MOCOS: variants seen among roughly 807,000 people sequenced by gnomAD.
MOCOS encodes the protein molybdenum cofactor sulfurase.
Under a neutral mutation model 83.6 loss-of-function variants are expected in MOCOS, and 86 were observed. That is an observed-to-expected ratio of 1.03 (90% CI 0.86 to 1.23). The LOEUF (loss-of-function observed/expected upper bound fraction) is 1.23. Ranked by LOEUF, MOCOS falls within the 50% of genes most tolerant of loss-of-function variation. The pLI is 0.00. For synonymous variants in MOCOS, 445 were observed against 434.7 expected, an observed-to-expected ratio of 1.02 and a Z score of -0.29; for missense variants, 1,120 against 1,126.9, an observed-to-expected ratio of 0.99 and a Z score of 0.09.
intron 11 of MOCOS, among the ~76,000 whole-genome samples, chr18:36,255,061 C>A (rs599433): frequency 0.42 from 63,886 of 151,582 alleles, 13,848 homozygotes; most frequent in Admixed American, 0.54. Flanking sequence ...ATCAAAGCAA[C>A]ATAAGTATAT....
chr18:36,268,630 A>G lies in MOCOS; in HGVS notation c.2612A>G (p.Asn871Ser). ...CAGGTGCTCCCTGTGTTGAAAGAGA[A>G]TGTGGAAGGTCATGATTTACCTGCA... ...GSQVLPVLKE[N>S]VEGHDLPASE... Residue 871 changes from asparagine (N) to serine (S), a missense_variant, in exon 15 of 15, where the codon AAT (asparagine) becomes AGT (serine). Transcript: ENST00000261326. 1 of 1,614,132 alleles carries G rather than the reference A, an allele frequency of 6.2e-7. No homozygotes were observed. Among genetic ancestry groups the G allele is most frequent in the Non-Finnish European group, 8.5e-7 (1 of 1,180,032 alleles).
chr18:36,256,850 A>T, intron 11 of MOCOS, 118 bp from the exon 12 acceptor site: 1 of 893,524 alleles, frequency 1.1e-6, no homozygotes, highest in Non-Finnish European at 1.9e-6. Context: ...CCAGGACATC[A>T]CTTTTTTTCC....
At chr18:36,259,205 G>A (rs1461303975) in intron 12 of MOCOS, among the ~76,000 whole-genome samples, 1 of 152,120 alleles carries the variant, frequency 6.6e-6, no homozygotes, top group Non-Finnish European at 1.5e-5. Flanking sequence ...CACTTTGAGA[G>A]GCTGAGGTGG....
At chr18:36,222,273 G>T (rs1298746313) in intron 9 of MOCOS, among the ~76,000 whole-genome samples, 2 of 152,140 alleles carry the variant, frequency 1.3e-5, no homozygotes, top group African/African-American at 4.8e-5. Context: ...TGGATCATTT[G>T]ATAGTTTTAT....
intron 8 of MOCOS, among the ~76,000 whole-genome samples, chr18:36,218,837 T>TTTTATTTTATTTA (rs1555652672): frequency 3.0e-4 from 40 of 133,958 alleles, no homozygotes; most frequent in African/African-American, 1.1e-3. Context: ...CTTTATTTTA[T>TTTTATTTTATTTA]TTTATTTATT....
At chr18:36,266,938 A>T (rs1490668697) in intron 14 of MOCOS, 85 bp downstream of exon 14, 9 of 1,116,900 alleles carry the variant, frequency 8.1e-6, no homozygotes, top group Non-Finnish European at 1.2e-5. Flanking sequence ...GCACAGAGTT[A>T]TTTTTTTAAA....
chr18:36,235,816 T>A (rs1221780862), intron 9 of MOCOS, among the ~76,000 whole-genome samples: 17 of 146,114 alleles, frequency 1.2e-4, no homozygotes, highest in African/African-American at 3.5e-4. Flanking sequence ...TTTTAATGAT[T>A]GCCATTCTAA....
chr18:36,239,088 A>G (rs1478809219), intron 9 of MOCOS, among the ~76,000 whole-genome samples: 1 of 149,740 alleles, frequency 6.7e-6, no homozygotes, highest in African/African-American at 2.4e-5. Flanking sequence ...CTCTTTATCC[A>G]ATTTGCCAGT....
chr18:36,226,535 T>A (rs1030487575), intron 9 of MOCOS, among the ~76,000 whole-genome samples: 1 of 152,046 alleles, frequency 6.6e-6, no homozygotes, highest in Non-Finnish European at 1.5e-5. Flanking sequence ...TCAAATATAT[T>A]TAGAGTAATT....
chr18:36,220,322 A>G, intron 9 of MOCOS, 105 bp downstream of exon 9: 1 of 1,425,190 alleles, frequency 7.0e-7, no homozygotes, highest in Non-Finnish European at 9.6e-7. Context: ...CCTGGGCAAT[A>G]CAGTGAGACC....
At chr18:36,210,850 C>CAAAAAGAAAA in intron 6 of MOCOS, among the ~76,000 whole-genome samples, 1 of 48,064 alleles carries the variant, frequency 2.1e-5, no homozygotes, top group East Asian at 8.5e-4. Context: ...GACTCTGTCT[C>CAAAAAGAAAA]AAAAAAAAAA....
chr18:36,244,540 T>C (rs1189335862), intron 9 of MOCOS, among the ~76,000 whole-genome samples: 1 of 152,108 alleles, frequency 6.6e-6, no homozygotes, highest in Non-Finnish European at 1.5e-5. Context: ...TTTATGGCCA[T>C]GATATGGTTC....
At chr18:36,190,728 A>G (rs2091361525) in intron 1 of MOCOS, among the ~76,000 whole-genome samples, 1 of 152,088 alleles carries the variant, frequency 6.6e-6, no homozygotes, top group African/African-American at 2.4e-5. Flanking sequence ...CAGTCTGGGC[A>G]ACAGAGTGAG....
rs78187031 is a variant in MOCOS, at chr18:36,259,993, C to T, written c.2271-44C>T. The T allele has an allele frequency of 3.8e-3, 6,120 of 1,611,398 alleles. 213 individuals are homozygous for T. In the African/African-American group the frequency reaches 0.073, roughly 19 times the overall value. ...TGAATTATTATAGTGGTACAATTAT[C>T]TGCCATCCTCCCCCTACTTACTCTT... On this transcript the variant is annotated intron_variant, in intron 12 of 14. Coordinates refer to ENST00000261326, the MANE Select transcript of MOCOS (RefSeq NM_017947.4).
intron 11 of MOCOS, among the ~76,000 whole-genome samples, chr18:36,255,649 C>T (rs2091638807): frequency 6.6e-6 from 1 of 152,074 alleles, no homozygotes; most frequent in Admixed American, 6.6e-5. Context: ...ATGCAAGTGG[C>T]AGATCTGGAG....
chr18:36,259,005 T>C (rs1471165178), intron 12 of MOCOS, among the ~76,000 whole-genome samples: 2 of 144,694 alleles, frequency 1.4e-5, no homozygotes, highest in African/African-American at 5.2e-5. Flanking sequence ...CAACTTAATA[T>C]GGTGGGATCA....
intron 6 of MOCOS, among the ~76,000 whole-genome samples, chr18:36,207,635 A>T (rs1489072020): frequency 2.0e-5 from 3 of 151,814 alleles, no homozygotes; most frequent in African/African-American, 7.3e-5. Context: ...GCCCATTTTT[A>T]ATGGGGTTCT....
intron 9 of MOCOS, among the ~76,000 whole-genome samples, chr18:36,232,855 T>TACACACACACACACACACAC (rs71168208): frequency 1.4e-5 from 2 of 147,830 alleles, no homozygotes; most frequent in Non-Finnish European, 3.0e-5. Flanking sequence ...AATATTCCAT[T>TACACACACACACACACACAC]ACACACACAC....
intron 6 of MOCOS, among the ~76,000 whole-genome samples, chr18:36,206,669 C>T (rs543153204): frequency 2.0e-5 from 3 of 152,224 alleles, no homozygotes; most frequent in South Asian, 2.1e-4. Context: ...CCCCGGTGGC[C>T]GTGGTTTTCT....
Sources: allele counts gnomAD v4.1 joint callset (sites outside exome capture counted in the v4.1 genomes callset), GRCh38; gene constraint gnomAD v4.1.1; transcripts MANE v1.5; gene names NCBI Gene and HGNC (gene_info 2026-07-23, HGNC 2026-07-21).